The following PTPRD variants were observed in gnomAD, a reference collection of about 807,000 sequenced individuals.
PTPRD encodes the protein protein tyrosine phosphatase receptor type D.
PTPRD carries 34 observed loss-of-function variants against 214.5 expected under a neutral mutation model. The observed-to-expected ratio is 0.16, with a 90% CI of 0.12 to 0.21. The LOEUF is 0.21. PTPRD is among the 10% of genes least tolerant of loss of function. PTPRD has a pLI of 1.00. For synonymous variants in PTPRD, 1,128 were observed against 845.7 expected (o/e 1.33, Z -5.79); for missense variants, 2,545 against 2,398.7 (o/e 1.06, Z -1.27).
intron 11 of PTPRD, among the ~76,000 whole-genome samples, chr9:8,850,810 A>G (rs1181282702): frequency 1.3e-5 from 2 of 152,240 alleles, no homozygotes; most frequent in Non-Finnish European, 2.9e-5. Context: ...GTGTTTTCAC[A>G]GGGAGGCCAG....
chr9:10,097,216 T>C (rs2098499601), intron 3 of PTPRD, among the ~76,000 whole-genome samples: 1 of 149,554 alleles, frequency 6.7e-6, no homozygotes, highest in Non-Finnish European at 1.5e-5. Context: ...GACTTGGTAA[T>C]GCGGGCTCTT....
chr9:8,383,467 CA>C (rs2085850028), intron 37 of PTPRD, among the ~76,000 whole-genome samples: 1 of 152,158 alleles, frequency 6.6e-6, no homozygotes. Context: ...TTTAGTAGGG[CA>C]GGAATTTTCC....
intron 3 of PTPRD, among the ~76,000 whole-genome samples, chr9:10,074,366 A>C (rs538251883): frequency 2.0e-4 from 31 of 152,252 alleles, no homozygotes; most frequent in African/African-American, 7.2e-4. Flanking sequence ...CCATGTCTAG[A>C]AACACAGAAA....
At chr9:8,875,051 T>G (rs74486673) in intron 11 of PTPRD, among the ~76,000 whole-genome samples, 3,541 of 152,230 alleles carry the variant, frequency 0.023, 123 homozygotes, top group South Asian at 0.079. Context: ...CAACCATACA[T>G]GGATGCATTA....
In PTPRD at chr9:10,126,490, C is replaced by T. The variant is rs753011353; in HGVS notation, c.-544-92700G>A. ...TGATATATATATATATAAAACTCTC[C>T]TGGCCACCTAAAACTTTAGAATCAA... On this transcript the variant is annotated intron_variant, in intron 3 of 45. Coordinates refer to ENST00000381196, the MANE Select transcript of PTPRD (RefSeq NM_002839.4). Among the ~76,000 whole-genome samples, 181 of 151,396 alleles carry T rather than the reference C, an allele frequency of 1.2e-3. 1 individual carries two copies. The highest frequency in any genetic ancestry group is 1.3e-3 in the Non-Finnish European group (89 of 67,792).
chr9:9,916,545 G>T (rs1215219014), intron 5 of PTPRD, among the ~76,000 whole-genome samples: 1 of 151,752 alleles, frequency 6.6e-6, no homozygotes, highest in Non-Finnish European at 1.5e-5. Context: ...ATACATGTAT[G>T]TATACATATA....
chr9:8,474,466 A>G lies in PTPRD; in HGVS notation c.3414-3381T>C, dbSNP rs2096723567. On this transcript the variant is annotated intron_variant, in intron 30 of 45. Transcript: ENST00000381196. Reference sequence around the variant, plus strand: ...CTCCACTCTACCTTAGCTGAAATCTACGCTTGCCATTCTCTGTGCCAGAAT... The same window carrying G: ...CTCCACTCTACCTTAGCTGAAATCTGCGCTTGCCATTCTCTGTGCCAGAAT... Among the ~76,000 whole-genome samples the G allele has an allele frequency of 1.3e-5, 2 of 152,156 alleles. 1 individual carries two copies. The highest frequency in any genetic ancestry group is 4.1e-4 in the South Asian group (2 of 4,830).
intron 5 of PTPRD, among the ~76,000 whole-genome samples, chr9:9,770,376 C>T (rs372032962): frequency 7.2e-4 from 109 of 152,180 alleles, no homozygotes; most frequent in African/African-American, 1.9e-3. Context: ...AAGAAAAATA[C>T]GGTGGTTTAA....
chr9:9,029,445 G>T (rs2099597608), intron 10 of PTPRD, among the ~76,000 whole-genome samples: 1 of 151,796 alleles, frequency 6.6e-6, no homozygotes. Context: ...AGGTGGCAAT[G>T]GGAAAAATTG....
At chr9:8,987,050 A>G (rs1356837501) in intron 11 of PTPRD, among the ~76,000 whole-genome samples, 1 of 152,150 alleles carries the variant, frequency 6.6e-6, no homozygotes, top group Non-Finnish European at 1.5e-5. Context: ...TAAACCATAA[A>G]CACATGTCTC....
intron 11 of PTPRD, among the ~76,000 whole-genome samples, chr9:8,740,923 A>G (rs1357352793): frequency 6.6e-6 from 1 of 152,192 alleles, no homozygotes; most frequent in Non-Finnish European, 1.5e-5. Context: ...AGAGTAAAAC[A>G]ATTCCTATCA....
intron 35 of PTPRD, among the ~76,000 whole-genome samples, chr9:8,421,186 G>A (rs963714021): frequency 6.6e-6 from 1 of 152,106 alleles, no homozygotes; most frequent in African/African-American, 2.4e-5. Context: ...TGGAAAGTGG[G>A]AGATGCAAAG....
At chr9:9,453,025 T>A (rs564508438) in intron 8 of PTPRD, among the ~76,000 whole-genome samples, 65 of 151,118 alleles carry the variant, frequency 4.3e-4, no homozygotes, top group Admixed American at 2.0e-3. Context: ...ATTTTATTTT[T>A]TTTTTTTGCT....
chr9:9,133,177 A>G (rs1037490187), intron 10 of PTPRD, among the ~76,000 whole-genome samples: 18 of 152,202 alleles, frequency 1.2e-4, no homozygotes, highest in Non-Finnish European at 2.1e-4. Flanking sequence ...TACAGATTCC[A>G]GGGCCTATCC....
intron 8 of PTPRD, among the ~76,000 whole-genome samples, chr9:9,411,821 TA>T (rs779970834): frequency 1.3e-5 from 2 of 152,202 alleles, no homozygotes; most frequent in Non-Finnish European, 2.9e-5. Flanking sequence ...CCCTAGGGAA[TA>T]AATGTGTGTT....
At chr9:8,777,395 A>G (rs1185432544) in intron 11 of PTPRD, among the ~76,000 whole-genome samples, 2 of 152,234 alleles carry the variant, frequency 1.3e-5, no homozygotes, top group African/African-American at 4.8e-5. Flanking sequence ...AATGACATCA[A>G]TGTAAACTAG....
At chr9:9,503,378 T>C (rs958277987) in intron 8 of PTPRD, among the ~76,000 whole-genome samples, 1 of 151,648 alleles carries the variant, frequency 6.6e-6, no homozygotes, top group African/African-American at 2.4e-5. Flanking sequence ...ACAAAGTGAC[T>C]CACATTTTTT....
intron 4 of PTPRD, among the ~76,000 whole-genome samples, chr9:10,022,447 C>T (rs1404619507): frequency 6.6e-6 from 1 of 151,166 alleles, no homozygotes; most frequent in African/African-American, 2.4e-5. Context: ...AACAGAGAAT[C>T]ACTTTCCCTT....
At chr9:9,388,371 G>C (rs985090621) in intron 9 of PTPRD, among the ~76,000 whole-genome samples, 3 of 152,114 alleles carry the variant, frequency 2.0e-5, no homozygotes, top group Non-Finnish European at 2.9e-5. Context: ...CCTCTACTCA[G>C]CACTTCCCTT....
Sources: gnomAD v4.1 joint callset for allele counts (sites outside exome capture counted in the v4.1 genomes callset) on GRCh38, gnomAD v4.1.1 for gene constraint, MANE v1.5 for transcripts, NCBI Gene and HGNC (gene_info 2026-07-23, HGNC 2026-07-21) for gene names.